BRPF1: variants seen among roughly 807,000 people sequenced by gnomAD.
BRPF1 encodes bromodomain and PHD finger containing 1, also known as peregrin.
A neutral mutation model predicts 115.0 loss-of-function variants in BRPF1; 15 were observed. The observed-to-expected ratio is 0.13, with a 90% confidence interval of 0.09 to 0.20. BRPF1 has a LOEUF of 0.20. Ranked by LOEUF, BRPF1 falls within the 10% of genes least tolerant of loss-of-function variation. The probability of loss-of-function intolerance (pLI) is 1.00; values close to 1 mark genes in which losing one functional copy is unlikely to be tolerated. For synonymous variants in BRPF1, 647 were observed against 619.8 expected, an observed-to-expected ratio of 1.04 and a Z score of -0.65; for missense variants, 1,118 against 1,638.3, an observed-to-expected ratio of 0.68 and a Z score of 5.48.
At chr3:9,744,142 A>G (rs765715285) in intron 8 of BRPF1, 82 bp from the exon 9 acceptor site, 1 of 1,451,018 alleles carries the variant, frequency 6.9e-7, no homozygotes, top group Non-Finnish European at 9.3e-7. Context: ...ATGGTCCTAT[A>G]TGCCCAGGGC....
At position 9,734,515 on chromosome 3, in the gene BRPF1, C is replaced by T. The variant is rs575203259; in HGVS notation, c.375C>T (p.Ala125=). The T allele has an allele frequency of 2.9e-5, 47 of 1,613,994 alleles. No individual in the cohort carries two copies. The South Asian group carries it at 5.1e-4, about 17-fold the overall frequency. ...ATGTGGTGTCAGAGGATGAGGAAGCCCCCGAGGAGGCCCCTGAGAATGGCA... is the reference window on the plus strand; with the variant it reads ...ATGTGGTGTCAGAGGATGAGGAAGCTCCCGAGGAGGCCCCTGAGAATGGCA... The part of the protein sequence containing the change: ...NLDVVSEDEE[A]PEEAPENGSN... Residue 125 remains alanine (A), a synonymous_variant, in exon 2 of 14, where the codon GCC becomes GCT. Coordinates refer to ENST00000383829, the MANE Select transcript of BRPF1 (RefSeq NM_001003694.2). The surrounding 1 kb of genome is among the most constrained non-coding windows in gnomAD (Gnocchi z 5.7).
chr3:9,735,184 A>T (rs159160), intron 2 of BRPF1, among the ~76,000 whole-genome samples: 138,390 of 152,112 alleles, frequency 0.91, 63,181 homozygotes, highest in African/African-American at 0.97. Flanking sequence ...GCTAGTTTTT[A>T]AAATTTTTTG....
chr3:9,737,061 G>T (rs150838765), intron 2 of BRPF1, among the ~76,000 whole-genome samples: 29 of 152,310 alleles, frequency 1.9e-4, no homozygotes, highest in Non-Finnish European at 3.1e-4. Flanking sequence ...GAAGCCAGAT[G>T]GTTCACACCA....
rs17050547 is a variant in BRPF1, at chr3:9,747,066, C to A, written c.3480-100C>A. ...GGCAGGGACCATCACAGAGTCTGGC[C>A]AGAGTGGGTGCTTGGGTGGTGTGTT... On this transcript the variant is annotated intron_variant, in intron 13 of 13. Coordinates refer to ENST00000383829, the MANE Select transcript of BRPF1 (RefSeq NM_001003694.2). This position sits in a 1 kb window ranked among gnomAD's most constrained non-coding sequence, Gnocchi z 5.6. 7,144 of 1,342,328 alleles carry A rather than the reference C, an allele frequency of 5.3e-3. 276 individuals carry two copies. The African/African-American group carries it at 0.088, about 17-fold the overall frequency. 83.2% of individuals were successfully genotyped at this position (1,342,328 alleles called of 1,614,324 possible). A position where few individuals can be genotyped will look rare whatever the true frequency, so the allele number is the denominator to read the frequency against.
chr3:9,732,860 C>T (rs1292907942), intron 1 of BRPF1, among the ~76,000 whole-genome samples: 1 of 152,102 alleles, frequency 6.6e-6, no homozygotes, highest in Admixed American at 6.5e-5. Context: ...TGGGATGGTG[C>T]CAAGCCCCTA....
At chr3:9,741,997 T>C in intron 5 of BRPF1, 28 bp from the exon 6 acceptor site, 1 of 1,613,208 alleles carries the variant, frequency 6.2e-7, no homozygotes, top group Non-Finnish European at 8.5e-7. Flanking sequence ...GGCCGAGGCC[T>C]GGCTGATCAG....
intron 6 of BRPF1, chr3:9,742,445 G>T: frequency 1.0e-6 from 1 of 985,434 alleles, no homozygotes. Context: ...CACTTTCGGG[G>T]TGCTGAACCC....
At position 9,744,391 on chromosome 3, in the gene BRPF1, G is replaced by C. The variant is rs756149393; in HGVS notation, c.2803G>C (p.Gly935Arg). 1 of 1,611,922 alleles carries C rather than the reference G, an allele frequency of 6.2e-7. No homozygotes were observed. Among genetic ancestry groups the C allele is most frequent in the South Asian group, 1.1e-5 (1 of 90,850 alleles). ...MTPSHGGSPV[G>R]PPQLPIMSSL... ...CCCCAGCCACGGAGGCAGTCCTGTG[G>C]GGCCCCCCCAGCTCCCCATCATGAG... Residue 935 changes from glycine (G) to arginine (R), a missense_variant, in exon 9 of 14, where the codon GGG (glycine) becomes CGG (arginine). By Grantham distance (125) the Gly-to-Arg change is moderately radical. Coordinates refer to ENST00000383829, the MANE Select transcript of BRPF1 (RefSeq NM_001003694.2).
At chr3:9,741,814 C>G (rs2077036918) in intron 5 of BRPF1, among the ~76,000 whole-genome samples, 1 of 152,118 alleles carries the variant, frequency 6.6e-6, no homozygotes, top group South Asian at 2.1e-4. Flanking sequence ...ACATAGGTAG[C>G]TGGTGCTGGT....
intron 6 of BRPF1, 134 bp from the exon 7 acceptor site, chr3:9,742,810 C>T (rs938364552): frequency 3.9e-6 from 4 of 1,014,028 alleles, no homozygotes; most frequent in Middle Eastern, 2.9e-4. Context: ...TTCCTTTCCC[C>T]TGTGCTATAT....
In BRPF1 at chr3:9,742,168, C is replaced by T. The variant is rs1280588062; in HGVS notation, c.1998C>T (p.Asp666=). 14 of 1,613,992 alleles carry T rather than the reference C, an allele frequency of 8.7e-6. No individual in the cohort carries two copies. The highest frequency in any genetic ancestry group is 5.0e-5 in the Admixed American group (3 of 60,010). Residue 666 remains aspartate, a synonymous_variant, in exon 6 of 14, where the codon GAC becomes GAT. Transcript: ENST00000383829. ...CTCTGTCTGAGGTAACCGAATTGGACGAAGTAAGAATCCCTTCCCCTCACT... is the reference window on the plus strand; with the variant it reads ...CTCTGTCTGAGGTAACCGAATTGGATGAAGTAAGAATCCCTTCCCCTCACT... ...PVPLSEVTEL[D]EVPDYLDHIK... is the part of the protein sequence containing the mutation.
At position 9,744,459 on chromosome 3, in the gene BRPF1, T is replaced by C; in HGVS notation, c.2871T>C (p.Ser957=). 2 of 1,583,822 alleles carry C rather than the reference T, an allele frequency of 1.3e-6. No individual in the cohort carries two copies. Among genetic ancestry groups the C allele is most frequent in the Non-Finnish European group, 1.7e-6 (2 of 1,166,374 alleles). Residue 957 remains serine, a synonymous_variant, in exon 9 of 14, where the codon AGT becomes AGC. Transcript: ENST00000383829. The part of the protein sequence containing the change: ...QRKRGRSPRP[S]SSSDSDSDKS... ...AGCGGGGTAGGAGCCCCCGGCCCAG[T>C]TCGAGCTCAGACAGCGACAGTGATA...
At chr3:9,744,884 A>G (rs1365280289) in intron 9 of BRPF1, 124 bp from the exon 10 acceptor site, 2 of 1,337,648 alleles carry the variant, frequency 1.5e-6, no homozygotes, top group Non-Finnish European at 2.1e-6. Context: ...CTGCTGGCCA[A>G]GGTTGGAGGA....
rs2125509347 is a variant in BRPF1, at chr3:9,743,602, T to C, written c.2336T>C (p.Leu779Ser). ...EDAAEEERLV[L>S]LENQKHLPVE... ...GCAGCCGAGGAAGAGCGGCTGGTCT[T>C]GCTGGAGAACCAGAAGCACCTGCCA... Residue 779 changes from leucine (L) to serine (S), a missense_variant, in exon 8 of 14, where the codon TTG becomes TCG. By Grantham distance (145) the Leu-to-Ser change is moderately radical (BLOSUM62 -2). Transcript: ENST00000383829. This position sits in a 1 kb window ranked among gnomAD's most constrained non-coding sequence, Gnocchi z 6.1. 1 of 1,613,106 alleles carries C rather than the reference T, an allele frequency of 6.2e-7. No individual in the cohort carries two copies. Among genetic ancestry groups the C allele is most frequent in the East Asian group, 2.2e-5 (1 of 44,878 alleles).
Position 9,740,765 on chromosome 3 carries a change from T to C in BRPF1, c.1560-14T>C, listed in dbSNP as rs1419723756. 6.2e-7 allele frequency: 1 copy of C among 1,612,528 alleles called. No individual in the cohort carries two copies. Among genetic ancestry groups the C allele is most frequent in the Admixed American group, 1.7e-5 (1 of 59,998 alleles). On this transcript the variant is annotated splice_polypyrimidine_tract_variant and intron_variant, in intron 3 of 13. Coordinates refer to ENST00000383829, the MANE Select transcript of BRPF1 (RefSeq NM_001003694.2). ...GGGCCCAACAAGTTTTACTCTTTGT[T>C]TCCTGCCTCCCAGGCTTAGTAAAAT... is the stretch of plus-strand genomic sequence containing the variant.
Position 9,747,540 on chromosome 3 carries a change from A to G in BRPF1, c.*191A>G, listed in dbSNP as rs1227893889. The G allele has an allele frequency of 8.9e-6, 5 of 560,330 alleles. No individual in the cohort carries two copies. Among genetic ancestry groups the G allele is most frequent in the Non-Finnish European group, 1.2e-5 (4 of 329,128 alleles). The allele number at this position is 560,330 out of a possible 1,614,324, so 34.7% of individuals were successfully genotyped here. A position where few individuals can be genotyped will look rare whatever the true frequency, so the allele number is the denominator to read the frequency against. On this transcript the variant is annotated 3_prime_UTR_variant, in exon 14 of 14. Coordinates refer to ENST00000383829, the MANE Select transcript of BRPF1 (RefSeq NM_001003694.2). This position sits in a 1 kb window ranked among gnomAD's most constrained non-coding sequence, Gnocchi z 5.6. ...ACTGTACAGAACACTCCAAGGGCCA[A>G]TGGCAGTTCAGCGCAAGGAGAGGGA...
Position 9,741,355 on chromosome 3 carries a change from C to T in BRPF1, c.1770C>T (p.Ser590=). The change falls in exon 5 of 14, where the codon TCC becomes TCT. Residue 590 remains serine (S), a synonymous_variant. Coordinates refer to ENST00000383829, the MANE Select transcript of BRPF1 (RefSeq NM_001003694.2). The stretch of plus-strand genomic sequence containing the variant: ...GGGCCCTTAAAGAACAGCTCAAGTC[C>T]TGGCAGCGGCTCCGGCATGACTTGG... ...KNWALKEQLK[S]WQRLRHDLER... is the part of the protein sequence containing the mutation. The T allele has an allele frequency of 1.9e-6, 3 of 1,607,848 alleles. No homozygotes were observed. Among genetic ancestry groups the T allele is most frequent in the Non-Finnish European group, 2.6e-6 (3 of 1,175,506 alleles).
At chr3:9,737,973 G>A (rs912359961) in intron 2 of BRPF1, among the ~76,000 whole-genome samples, 1 of 152,198 alleles carries the variant, frequency 6.6e-6, no homozygotes, top group African/African-American at 2.4e-5. Context: ...GTACAGCAGT[G>A]ATGTCCTAAA....
chr3:9,742,147 G>C lies in BRPF1; in HGVS notation c.1977G>C (p.Leu659=). 1.2e-6 allele frequency: 2 copies of C among 1,614,206 alleles called. No homozygotes were observed. Among genetic ancestry groups the C allele is most frequent in the African/African-American group, 1.3e-5 (1 of 75,062 alleles). The change falls in exon 6 of 14, where the codon CTG becomes CTC. Residue 659 remains leucine (L), a synonymous_variant. Transcript: ENST00000383829. The stretch of plus-strand genomic sequence containing the variant: ...ACATCTTCAGCGAGCCGGTCCCTCT[G>C]TCTGAGGTAACCGAATTGGACGAAG... The part of the protein sequence containing the change: ...TGNIFSEPVP[L]SEVTELDEVP...
Sources: allele counts gnomAD v4.1 joint callset (sites outside exome capture counted in the v4.1 genomes callset), GRCh38; gene constraint gnomAD v4.1.1; non-coding constraint Gnocchi (gnomAD v3.1); transcripts MANE v1.5; gene names NCBI Gene and HGNC (gene_info 2026-07-23, HGNC 2026-07-21).